The following PEPD variants were observed in gnomAD, a reference collection of about 807,000 sequenced individuals.
The protein encoded by PEPD is peptidase D.
Under a neutral mutation model 60.7 loss-of-function variants are expected in PEPD, and 53 were observed. The ratio of observed to expected loss-of-function variants is 0.87; its 90% CI spans 0.70 to 1.10. The LOEUF is 1.10. PEPD is among the 50% of genes least tolerant of loss of function. PEPD has a pLI of 0.00. For synonymous variants in PEPD, 267 were observed against 284.1 expected (o/e 0.94, Z 0.60); for missense variants, 711 against 711.9 (o/e 1.00, Z 0.01).
Position 33,463,112 on chromosome 19 carries a change from C to T in PEPD, c.625-71G>A, listed in dbSNP as rs1193050871. On this transcript the variant is annotated intron_variant, in intron 8 of 14. Coordinates refer to ENST00000244137, the MANE Select transcript of PEPD (RefSeq NM_000285.4). ...GTAACACAGCGTGATAAATAACATA[C>T]AGCACTTCTTCAAAAGCACCTCTTC... 2.0e-5 allele frequency: 18 copies of T among 917,702 alleles called. No individual in the cohort carries two copies. The East Asian group carries it at 3.6e-4, about 18-fold the overall frequency. The allele number at this position is 917,702 out of a possible 1,614,324, so 56.8% of individuals were successfully genotyped here. A position where few individuals can be genotyped will look rare whatever the true frequency, so the allele number is the denominator to read the frequency against.
intron 9 of PEPD, among the ~76,000 whole-genome samples, chr19:33,439,701 C>T (rs1187738116): frequency 1.3e-5 from 2 of 152,204 alleles, no homozygotes; most frequent in Non-Finnish European, 2.9e-5. Context: ...GTCACACAGC[C>T]CAGCACCGTC....
intron 13 of PEPD, among the ~76,000 whole-genome samples, chr19:33,390,175 G>A (rs187005914): frequency 1.6e-4 from 25 of 152,364 alleles, no homozygotes; most frequent in African/African-American, 5.8e-4. Flanking sequence ...CAGAAGAATA[G>A]ACTCTGAGCA....
At position 33,408,428 on chromosome 19, in the gene PEPD, A is replaced by G. The variant is rs145693590; in HGVS notation, c.818+3244T>C. 1.3e-3 allele frequency among the ~76,000 whole-genome samples: 198 copies of G among 152,340 alleles called. 1 individual carries two copies. The highest frequency in any genetic ancestry group is 4.7e-3 in the African/African-American group (197 of 41,580). ...GGAGGCAGGGGCTTACACTGTGATC[A>G]TTGCAACGCAGCACAGCCTCGGTCA... On this transcript the variant is annotated intron_variant, in intron 11 of 14. Transcript: ENST00000244137.
chr19:33,436,965 G>C (rs1431485153), intron 9 of PEPD, among the ~76,000 whole-genome samples: 3 of 152,228 alleles, frequency 2.0e-5, no homozygotes, highest in South Asian at 2.1e-4. Flanking sequence ...GAAGCCACAG[G>C]GTTTGATGGA....
intron 9 of PEPD, among the ~76,000 whole-genome samples, chr19:33,450,369 C>T (rs1969675367): frequency 6.6e-6 from 1 of 152,180 alleles, no homozygotes; most frequent in East Asian, 1.9e-4. Flanking sequence ...CTGTTACTTC[C>T]AAGAATCAAT....
At chr19:33,467,567 G>A (rs979304323) in intron 7 of PEPD, among the ~76,000 whole-genome samples, 2 of 152,126 alleles carry the variant, frequency 1.3e-5, no homozygotes, top group African/African-American at 2.4e-5. Context: ...GAAAGTTCAC[G>A]GAGCAAGAAC....
At chr19:33,466,497 G>A (rs2145277603) in intron 7 of PEPD, among the ~76,000 whole-genome samples, 1 of 152,256 alleles carries the variant, frequency 6.6e-6, no homozygotes, top group Middle Eastern at 3.4e-3. Flanking sequence ...CTAACTTCCA[G>A]TTTGCAGGAA....
chr19:33,474,700 G>C (rs1298683040), intron 7 of PEPD, among the ~76,000 whole-genome samples: 2 of 151,834 alleles, frequency 1.3e-5, no homozygotes, highest in African/African-American at 4.8e-5. Flanking sequence ...AAAGTGCCAG[G>C]CTGGGTGCGG....
intron 7 of PEPD, among the ~76,000 whole-genome samples, chr19:33,475,792 T>C (rs1231159946): frequency 1.3e-5 from 2 of 152,184 alleles, no homozygotes; most frequent in African/African-American, 4.8e-5. Context: ...GGGCTACAGA[T>C]AGGACAGGCT....
At chr19:33,414,108 C>G (rs1968838639) in intron 9 of PEPD, among the ~76,000 whole-genome samples, 1 of 152,186 alleles carries the variant, frequency 6.6e-6, no homozygotes, top group Non-Finnish European at 1.5e-5. Flanking sequence ...CTGCGCTCAC[C>G]CGGGGAGAGG....
Position 33,512,650 on chromosome 19 carries a change from C to A in PEPD, c.144G>T (p.Leu48=), listed in dbSNP as rs772942483. ...PAVQAGSIVV[L]QGGEETQRYC... is the part of the protein sequence containing the mutation. ...AGCGCTGAGTCTCCTCCCCGCCCTG[C>A]AGGACCACGATGGAGCCGGCCTGCA... is the stretch of plus-strand genomic sequence containing the variant. Residue 48 remains leucine (L), a synonymous_variant, in exon 2 of 15, where the codon CTG becomes CTT. Transcript: ENST00000244137. 3 of 1,613,882 alleles carry A rather than the reference C, an allele frequency of 1.9e-6. No individual in the cohort carries two copies. Among genetic ancestry groups the A allele is most frequent in the Non-Finnish European group, 2.5e-6 (3 of 1,179,982 alleles).
chr19:33,437,323 C>T (rs929986106), intron 9 of PEPD, among the ~76,000 whole-genome samples: 4 of 152,004 alleles, frequency 2.6e-5, no homozygotes, highest in African/African-American at 9.7e-5. Context: ...CTGCTTGTCT[C>T]GAAGTTCAAC....
chr19:33,427,894 T>G (rs1031797281), intron 9 of PEPD, among the ~76,000 whole-genome samples: 1 of 152,180 alleles, frequency 6.6e-6, no homozygotes, highest in African/African-American at 2.4e-5. Flanking sequence ...CTAGCAGGAA[T>G]TGTGTGTGTG....
chr19:33,411,797 G>A (rs374725574), intron 10 of PEPD, 48 bp from the exon 11 acceptor site: 53 of 1,159,984 alleles, frequency 4.6e-5, no homozygotes, highest in African/African-American at 1.8e-4. Flanking sequence ...TTCTGCAGCA[G>A]GCTCTGAAGG....
chr19:33,441,257 C>G (rs923199624), intron 9 of PEPD, among the ~76,000 whole-genome samples: 2 of 152,228 alleles, frequency 1.3e-5, no homozygotes, highest in African/African-American at 4.8e-5. Context: ...CATTTAACAT[C>G]TTTCGGGTGA....
intron 9 of PEPD, among the ~76,000 whole-genome samples, chr19:33,414,869 G>A (rs1039783242): frequency 6.6e-6 from 1 of 152,228 alleles, no homozygotes; most frequent in Non-Finnish European, 1.5e-5. Flanking sequence ...TGAAAAGAAA[G>A]GATTTCAGGA....
intron 3 of PEPD, among the ~76,000 whole-genome samples, chr19:33,506,275 A>AC (rs1331391621): frequency 2.1e-5 from 3 of 139,642 alleles, no homozygotes; most frequent in African/African-American, 8.2e-5. Flanking sequence ...CCCATCACAA[A>AC]AACCCTACAC....
chr19:33,425,706 G>C (rs1463134555), intron 9 of PEPD, among the ~76,000 whole-genome samples: 1 of 152,200 alleles, frequency 6.6e-6, no homozygotes, highest in Non-Finnish European at 1.5e-5. Flanking sequence ...TGAGTCAATT[G>C]AAAGAAAACG....
intron 6 of PEPD, among the ~76,000 whole-genome samples, chr19:33,479,354 A>G (rs1970274892): frequency 6.6e-6 from 1 of 152,204 alleles, no homozygotes; most frequent in South Asian, 2.1e-4. Flanking sequence ...TAATTACTTT[A>G]GATGTAAATG....
Sources: allele counts gnomAD v4.1 joint callset (sites outside exome capture counted in the v4.1 genomes callset), GRCh38; gene constraint gnomAD v4.1.1; transcripts MANE v1.5; gene names NCBI Gene and HGNC (gene_info 2026-07-23, HGNC 2026-07-21).